Variants in PGM3 observed in about 807,000 individuals in gnomAD.
PGM3 encodes phosphoglucomutase 3, also known as phosphoacetylglucosamine mutase.
PGM3 carries 40 observed loss-of-function variants against 66.2 expected under a neutral mutation model. That is an observed-to-expected ratio of 0.60 (90% confidence interval 0.47 to 0.79). The LOEUF (loss-of-function observed/expected upper bound fraction) is 0.79, where lower values mean the gene tolerates loss of function less well. Ranked by LOEUF, PGM3 falls within the 30% of genes least tolerant of loss-of-function variation. PGM3 has a pLI of 0.00. For missense variants in PGM3, 537 were observed against 643.4 expected (o/e 0.83, Z 1.79); for synonymous variants, 191 against 224.2 (o/e 0.85, Z 1.32).
the PGM3 span, chr6:83,151,710 T>G: frequency 6.5e-7 from 1 of 1,540,354 alleles, no homozygotes; most frequent in South Asian, 1.2e-5. Flanking sequence ...TGCCCTCAAT[T>G]TGAAAATGAG....
At chr6:83,169,743 A>C (rs1284164062) in intron 12 of PGM3, 1 of 458,198 alleles carries the variant, frequency 2.2e-6, no homozygotes, top group African/African-American at 2.0e-5. Context: ...CTGATTCCCT[A>C]TTCAGCGCAC....
At chr6:83,162,847 G>A, downstream of PGM3, 1 of 1,613,672 alleles carries the variant, frequency 6.2e-7, no homozygotes, top group Non-Finnish European at 8.5e-7. Flanking sequence ...AAGTCAGAAG[G>A]CAGGGTATAC....
At chr6:83,162,600 T>C (rs1354943426), downstream of PGM3, among the ~76,000 whole-genome samples, 3 of 152,202 alleles carry the variant, frequency 2.0e-5, no homozygotes, top group Non-Finnish European at 4.4e-5. Flanking sequence ...GTTAATAGTA[T>C]CTTTATTTAC....
intron 4 of PGM3, among the ~76,000 whole-genome samples, chr6:83,184,196 C>A (rs1264812178): frequency 6.6e-6 from 1 of 152,116 alleles, no homozygotes; most frequent in African/African-American, 2.4e-5. Context: ...AAGAAAAGCA[C>A]CATGAGCAAA....
At chr6:83,192,963 A>G (rs1334828310) in intron 1 of PGM3, 1 of 152,226 alleles carries the variant, frequency 6.6e-6, no homozygotes, top group East Asian at 1.9e-4. Context: ...TCCACGTACC[A>G]GAGCCCCGGC....
chr6:83,182,731 T>C (rs1788273879), intron 5 of PGM3, 114 bp downstream of exon 5: 4 of 952,970 alleles, frequency 4.2e-6, no homozygotes, highest in South Asian at 1.6e-5. Context: ...AAAGGAGATA[T>C]GCAGCATCTT....
Position 83,168,826 on chromosome 6 carries a change from C to T in PGM3, c.*408G>A, listed in dbSNP as rs1041395989. The T allele has an allele frequency of 2.4e-5, 25 of 1,024,012 alleles. No individual in the cohort carries two copies. In the African/African-American group the frequency reaches 3.8e-4, roughly 15 times the overall value. 63.4% of individuals were successfully genotyped at this position (1,024,012 alleles called of 1,614,324 possible). A position where few individuals can be genotyped will look rare whatever the true frequency, so the allele number is the denominator to read the frequency against. ...CTGGTTGTATAAAGTCTTCTCTGCCCTCTCCATTTGTATCAGCAATGGGGA... is the reference window on the plus strand; with the variant it reads ...CTGGTTGTATAAAGTCTTCTCTGCCTTCTCCATTTGTATCAGCAATGGGGA... On this transcript the variant is annotated 3_prime_UTR_variant, in exon 13 of 13. Coordinates refer to ENST00000513973, the MANE Select transcript of PGM3 (RefSeq NM_015599.3).
chr6:83,173,159 T>C (rs1467818846), intron 10 of PGM3, among the ~76,000 whole-genome samples: 1 of 152,196 alleles, frequency 6.6e-6, no homozygotes, highest in Non-Finnish European at 1.5e-5. Context: ...TCTAGTCCCA[T>C]GCATTTTGGA....
rs375704579 is a variant in PGM3, at chr6:83,172,062, G to A, written c.1243-3C>T. On this transcript the variant is annotated splice_region_variant and splice_polypyrimidine_tract_variant and intron_variant, in intron 10 of 12. Transcript: ENST00000513973. Reference sequence around the variant, plus strand: ...TCAGAAATAGCATCACCAGCTGCCTGCAAATGGGGAAACAAATGGAAGAAA... The same window carrying A: ...TCAGAAATAGCATCACCAGCTGCCTACAAATGGGGAAACAAATGGAAGAAA... The A allele has an allele frequency of 3.1e-6, 5 of 1,612,296 alleles. No homozygotes were observed. The highest frequency in any genetic ancestry group is 2.7e-5 in the African/African-American group (2 of 74,792).
chr6:83,157,111 G>T, downstream of PGM3: 3 of 1,487,900 alleles, frequency 2.0e-6, no homozygotes, highest in South Asian at 1.2e-5. Flanking sequence ...GAGAGTACTG[G>T]ACCGACAATA....
chr6:83,190,491 CA>C (rs2128508545), intron 2 of PGM3: 1 of 270,138 alleles, frequency 3.7e-6, no homozygotes, highest in East Asian at 8.1e-5. Flanking sequence ...TATCTTTAAT[CA>C]CTGCTAAGTT....
chr6:83,181,726 T>A lies in PGM3; in HGVS notation c.787+10A>T, dbSNP rs1200000389. On this transcript the variant is annotated intron_variant, in intron 6 of 12. Transcript: ENST00000513973. ...TAAAAACAAATTTTTGCAGTGCTAG[T>A]ACGACATACCCTGTGGAGGTTTCTG... 1 of 1,593,992 alleles carries A rather than the reference T, an allele frequency of 6.3e-7. No individual in the cohort carries two copies. The highest frequency in any genetic ancestry group is 8.5e-7 in the Non-Finnish European group (1 of 1,171,418).
intron 10 of PGM3, among the ~76,000 whole-genome samples, chr6:83,172,962 G>A (rs1787401042): frequency 6.6e-6 from 1 of 152,138 alleles, no homozygotes; most frequent in South Asian, 2.1e-4. Context: ...GCTTTCTGAT[G>A]GTTCAGTAGA....
intron 1 of PGM3, chr6:83,191,358 C>A: frequency 1.3e-6 from 1 of 766,482 alleles, no homozygotes; most frequent in Non-Finnish European, 2.2e-6. Flanking sequence ...TCAGAGACTC[C>A]AATGAGCTCA....
rs1562404752 is a variant in PGM3 at position 83,168,896 on chromosome 6, A to G, written c.*338T>C. The G allele has an allele frequency of 9.4e-7, 1 of 1,063,554 alleles. No individual in the cohort carries two copies. The highest frequency in any genetic ancestry group is 1.6e-5 in the African/African-American group (1 of 60,652). The allele number at this position is 1,063,554 out of a possible 1,614,324, so 65.9% of individuals were successfully genotyped here. On this transcript the variant is annotated 3_prime_UTR_variant, in exon 13 of 13. Coordinates refer to ENST00000513973, the MANE Select transcript of PGM3 (RefSeq NM_015599.3). ...TGCTCATGTGATGGTGATGGCAAAG[A>G]TATCACAAGGAGTTGGTAATAAGAT...
At chr6:83,193,126 C>T (rs1404203524) in intron 1 of PGM3, 53 bp downstream of exon 1, 1 of 152,272 alleles carries the variant, frequency 6.6e-6, no homozygotes, top group Non-Finnish European at 1.5e-5. Context: ...CCACCGAGCC[C>T]TTGCCGACCG....
downstream of PGM3, among the ~76,000 whole-genome samples, chr6:83,159,125 TTTC>T (rs1235308808): frequency 2.0e-5 from 3 of 152,202 alleles, no homozygotes; most frequent in African/African-American, 7.2e-5. Context: ...TTGAATATAT[TTTC>T]TTCTTCAGTA....
At chr6:83,172,343 A>T (rs1362565976) in intron 10 of PGM3, among the ~76,000 whole-genome samples, 1 of 152,180 alleles carries the variant, frequency 6.6e-6, no homozygotes, top group African/African-American at 2.4e-5. Context: ...TTGAGGCTGC[A>T]GTGTGCTGTG....
the PGM3 span, chr6:83,156,078 C>T: frequency 5.0e-6 from 8 of 1,612,664 alleles, no homozygotes; most frequent in Non-Finnish European, 5.9e-6. Flanking sequence ...TTGACCAGTA[C>T]CAGAAATATC....
Sources: gnomAD v4.1 joint callset for allele counts (sites outside exome capture counted in the v4.1 genomes callset) on GRCh38, gnomAD v4.1.1 for gene constraint, MANE v1.5 for transcripts, NCBI Gene and HGNC (gene_info 2026-07-23, HGNC 2026-07-21) for gene names.